CLUL1: variants seen among roughly 807,000 people sequenced by gnomAD.
CLUL1 encodes clusterin like 1, also known as clusterin-like protein 1.
Under a neutral mutation model 49.4 loss-of-function variants are expected in CLUL1, and 43 were observed. That is an observed-to-expected ratio of 0.87 (90% confidence interval 0.68 to 1.12). CLUL1 has a LOEUF of 1.12. Ranked by LOEUF, CLUL1 falls within the 50% of genes most tolerant of loss-of-function variation. CLUL1 has a pLI of 0.00. For missense variants in CLUL1, 486 were observed against 544.4 expected, an observed-to-expected ratio of 0.89 and a Z score of 1.07; for synonymous variants, 192 against 184.9, an observed-to-expected ratio of 1.04 and a Z score of -0.31.
intron 9 of CLUL1, among the ~76,000 whole-genome samples, chr18:645,566 C>T (rs1378610256): frequency 6.6e-6 from 1 of 151,150 alleles, no homozygotes; most frequent in Non-Finnish European, 1.5e-5. Flanking sequence ...GAGGCTGAGG[C>T]GGGCGGATCA....
At chr18:624,837 T>C (rs755477795) in intron 4 of CLUL1, 28 bp from the exon 5 acceptor site, 1 of 1,608,734 alleles carries the variant, frequency 6.2e-7, no homozygotes, top group East Asian at 2.2e-5. Context: ...GAAATGGAAA[T>C]TGGACTTTTG....
At chr18:642,490 C>G (rs764156250) in intron 8 of CLUL1, among the ~76,000 whole-genome samples, 14 of 152,132 alleles carry the variant, frequency 9.2e-5, no homozygotes, top group Admixed American at 2.0e-4. Flanking sequence ...CCATGACTCC[C>G]AGATTCAGTC....
intron 9 of CLUL1, among the ~76,000 whole-genome samples, chr18:648,862 T>C (rs757212267): frequency 1.1e-4 from 17 of 152,154 alleles, no homozygotes; most frequent in Non-Finnish European, 2.2e-4. Context: ...TTTACCATGT[T>C]GGCCGGGCTG....
At chr18:612,121 G>T (rs899409126) in intron 2 of CLUL1, among the ~76,000 whole-genome samples, 28 of 152,160 alleles carry the variant, frequency 1.8e-4, no homozygotes, top group Non-Finnish European at 5.9e-5. Context: ...TTCCTAACTG[G>T]CTTCCCTTCT....
chr18:648,575 G>T (rs1195453211), intron 9 of CLUL1, among the ~76,000 whole-genome samples: 1 of 151,446 alleles, frequency 6.6e-6, no homozygotes, highest in Non-Finnish European at 1.5e-5. Flanking sequence ...ACATCTTATT[G>T]TTCTGGATAT....
chr18:636,972 TTG>T (rs201692357), intron 7 of CLUL1, among the ~76,000 whole-genome samples: 15,714 of 150,478 alleles, frequency 0.1, 989 homozygotes, highest in African/African-American at 0.17. Context: ...TTTGTTTTTT[TTG>T]TTTTGTTTTG....
chr18:647,254 C>T (rs926001757), intron 9 of CLUL1, among the ~76,000 whole-genome samples: 1 of 152,054 alleles, frequency 6.6e-6, no homozygotes, highest in Non-Finnish European at 1.5e-5. Context: ...AAGAGTAGAG[C>T]ATCTAGGTAC....
intron 6 of CLUL1, among the ~76,000 whole-genome samples, chr18:628,444 C>T (rs149196217): frequency 1.8e-4 from 27 of 152,232 alleles, no homozygotes; most frequent in South Asian, 4.1e-4. Context: ...TGTTTTAAGG[C>T]GGCAGATATC....
intron 4 of CLUL1, among the ~76,000 whole-genome samples, chr18:623,235 G>T (rs2073558638): frequency 6.6e-6 from 1 of 152,090 alleles, no homozygotes; most frequent in Non-Finnish European, 1.5e-5. Context: ...GTTTTACTAT[G>T]TTGGCCAGGC....
chr18:635,270 ATTAT>A lies in CLUL1; in HGVS notation c.994+1837_994+1840del, dbSNP rs1481443702. On this transcript the variant is annotated intron_variant, in intron 7 of 9. Coordinates refer to ENST00000692774, the MANE Select transcript of CLUL1 (RefSeq NM_001393344.1). The stretch of plus-strand genomic sequence containing the variant: ...GCACGTTTGGGGATGATCATCAGGC[ATTAT>A]TCTCCTAAGGAGCGCTCAACCTAGA... Among the ~76,000 whole-genome samples the A allele has an allele frequency of 3.3e-5, 5 of 152,172 alleles. No individual in the cohort carries two copies. The South Asian group carries it at 8.3e-4, about 25-fold the overall frequency.
chr18:624,858 T>G lies in CLUL1; in HGVS notation c.256-7T>G. On this transcript the variant is annotated splice_region_variant and splice_polypyrimidine_tract_variant and intron_variant, in intron 4 of 9. Transcript: ENST00000692774. Reference sequence around the variant, plus strand: ...GAAATTGGACTTTTGTTTCTACTTTTAACTAGGAGGCCCTGAAACTTCTGA... The same window carrying G: ...GAAATTGGACTTTTGTTTCTACTTTGAACTAGGAGGCCCTGAAACTTCTGA... The G allele has an allele frequency of 1.2e-6, 2 of 1,612,788 alleles. No individual in the cohort carries two copies. Among genetic ancestry groups the G allele is most frequent in the Non-Finnish European group, 1.7e-6 (2 of 1,179,556 alleles).
intron 7 of CLUL1, among the ~76,000 whole-genome samples, chr18:637,804 G>A (rs549577976): frequency 4.0e-5 from 6 of 151,820 alleles, no homozygotes; most frequent in Non-Finnish European, 8.8e-5. Flanking sequence ...GCGAAACCCC[G>A]TTCTACTAAA....
rs755943253 is a variant in CLUL1 at position 606,335 on chromosome 18, A to C, written c.-135-643A>C. 6.6e-6 allele frequency among the ~76,000 whole-genome samples: 1 copy of C among 152,128 alleles called. No homozygotes were observed. The highest frequency in any genetic ancestry group is 1.5e-5 in the Non-Finnish European group (1 of 68,028). ...CCCCACCACTGACTCTAGGGGAAAA[A>C]CAGCACAGGGCAGGAAACGATTTTC... On this transcript the variant is annotated intron_variant, in intron 1 of 9. Coordinates refer to ENST00000692774, the MANE Select transcript of CLUL1 (RefSeq NM_001393344.1). This position sits in a 1 kb window ranked among gnomAD's most constrained non-coding sequence, Gnocchi z 4.1.
At chr18:646,159 A>G (rs536304512) in intron 9 of CLUL1, among the ~76,000 whole-genome samples, 7 of 151,990 alleles carry the variant, frequency 4.6e-5, no homozygotes, top group Admixed American at 3.9e-4. Context: ...GCTTCCTGTT[A>G]AGATATTTGC....
chr18:613,881 G>A (rs2073215581), intron 2 of CLUL1, among the ~76,000 whole-genome samples: 1 of 152,226 alleles, frequency 6.6e-6, no homozygotes, highest in Admixed American at 6.5e-5. Context: ...GCAAGATAGA[G>A]TAGCTGTAAT....
At chr18:636,133 G>A (rs76284355) in intron 7 of CLUL1, among the ~76,000 whole-genome samples, 16,410 of 152,120 alleles carry the variant, frequency 0.11, 1,045 homozygotes, top group East Asian at 0.18. Flanking sequence ...TTACCTTTGG[G>A]TTTTAAGATT....
intron 6 of CLUL1, among the ~76,000 whole-genome samples, chr18:631,164 A>T (rs1429228810): frequency 2.0e-5 from 3 of 152,178 alleles, no homozygotes. Flanking sequence ...AGAATCAGAA[A>T]TATCTTGATA....
At chr18:628,082 C>A (rs1184620694) in intron 6 of CLUL1, among the ~76,000 whole-genome samples, 3 of 152,260 alleles carry the variant, frequency 2.0e-5, no homozygotes, top group African/African-American at 7.2e-5. Context: ...CCGCCTTGGC[C>A]TCCCAAAGTG....
intron 3 of CLUL1, among the ~76,000 whole-genome samples, chr18:619,007 G>C (rs562138968): frequency 6.6e-6 from 1 of 152,142 alleles, no homozygotes; most frequent in Non-Finnish European, 1.5e-5. Context: ...TTGTTTAGGC[G>C]CTCACAAGTG....
Sources: allele counts gnomAD v4.1 joint callset (sites outside exome capture counted in the v4.1 genomes callset), GRCh38; gene constraint gnomAD v4.1.1; non-coding constraint Gnocchi (gnomAD v3.1); transcripts MANE v1.5; gene names NCBI Gene and HGNC (gene_info 2026-07-23, HGNC 2026-07-21).